MEGF8: variants seen among roughly 807,000 people sequenced by gnomAD.
MEGF8 encodes the protein multiple epidermal growth factor-like domains protein 8.
MEGF8 carries 156 observed loss-of-function variants against 302.9 expected under a neutral mutation model. The observed-to-expected ratio is 0.52, with a 90% CI of 0.45 to 0.59. The LOEUF is 0.59. Among genes scored for constraint, MEGF8 ranks in the 20% least tolerant of loss-of-function variants. MEGF8 has a pLI of 0.00. For missense variants in MEGF8, 3,345 were observed against 3,964.5 expected (o/e 0.84, Z 4.20); for synonymous variants, 1,621 against 1,660.5 (o/e 0.98, Z 0.58).
At chr19:42,331,545 G>C (rs75533776) in intron 1 of MEGF8, among the ~76,000 whole-genome samples, 15 of 152,158 alleles carry the variant, frequency 9.9e-5, no homozygotes, top group African/African-American at 3.1e-4. Context: ...CACTCTCCAC[G>C]ATATGTGGGC....
At position 42,344,147 on chromosome 19, in the gene MEGF8, A is replaced by T; in HGVS notation, c.1788+74A>T. 1 of 1,536,990 alleles carries T rather than the reference A, an allele frequency of 6.5e-7. No homozygotes were observed. Among genetic ancestry groups the T allele is most frequent in the Non-Finnish European group, 8.7e-7 (1 of 1,143,706 alleles). On this transcript the variant is annotated intron_variant, in intron 10 of 41. Coordinates refer to ENST00000251268, the MANE Select transcript of MEGF8 (RefSeq NM_001271938.2). This position sits in a 1 kb window ranked among gnomAD's most constrained non-coding sequence, Gnocchi z 4.5. ...TCAGTGTCTCCCTCTGCCTAACCAG[A>T]TGGACAAGAACTTTCCCTCAACTGG...
chr19:42,351,352 C>G lies in MEGF8; in HGVS notation c.2855+18C>G. ...TGCAGCCAGTGAGTCAGGCTGGGTG[C>G]AGGGAGTGGGTGGGTGGATGTGCCT... is the stretch of plus-strand genomic sequence containing the variant. On this transcript the variant is annotated intron_variant, in intron 16 of 41. Transcript: ENST00000251268. This position sits in a 1 kb window ranked among gnomAD's most constrained non-coding sequence, Gnocchi z 5.6. 1 of 1,567,698 alleles carries G rather than the reference C, an allele frequency of 6.4e-7. No individual in the cohort carries two copies. Among genetic ancestry groups the G allele is most frequent in the Non-Finnish European group, 8.7e-7 (1 of 1,155,964 alleles).
Position 42,369,638 on chromosome 19 carries a change from C to G in MEGF8, c.6749C>G (p.Ser2250Cys). 1.9e-6 allele frequency: 3 copies of G among 1,612,754 alleles called. No individual in the cohort carries two copies. Among genetic ancestry groups the G allele is most frequent in the Non-Finnish European group, 2.5e-6 (3 of 1,179,652 alleles). Residue 2250 changes from serine (S) to cysteine (C), a missense_variant, in exon 38 of 42, where the codon TCC becomes TGC. Physicochemically the swap from Ser to Cys is moderately radical, Grantham distance 112. Transcript: ENST00000251268. The surrounding 1 kb of genome is among the most constrained non-coding windows in gnomAD (Gnocchi z 5.7). ...CHFGFVGRNC[S>C]TECRCNRHSE... ...TTTGGCTTTGTGGGCCGCAACTGCT[C>G]CACGGAATGCCGCTGCAACCGCCAC... is the stretch of plus-strand genomic sequence containing the variant.
Position 42,356,876 on chromosome 19 carries a change from C to A in MEGF8, c.4725C>A (p.Pro1575=), listed in dbSNP as rs200468005. 2.5e-6 allele frequency: 4 copies of A among 1,598,632 alleles called. No individual in the cohort carries two copies. Among genetic ancestry groups the A allele is most frequent in the African/African-American group, 1.3e-5 (1 of 74,798 alleles). Residue 1575 remains proline, a synonymous_variant, in exon 27 of 42, where the codon CCC becomes CCA. Coordinates refer to ENST00000251268, the MANE Select transcript of MEGF8 (RefSeq NM_001271938.2). The surrounding 1 kb of genome is among the most constrained non-coding windows in gnomAD (Gnocchi z 5.2). ...CCTTCCATGCAGCCGCATATGTGCC[C>A]GCTGGCCGTGGTGCCATGTATCTGC... ...PRSFHAAAYV[P]AGRGAMYLLG... is the part of the protein sequence containing the mutation.
At chr19:42,335,446 C>A (rs371746286) in intron 5 of MEGF8, 61 bp downstream of exon 5, 3 of 1,506,628 alleles carry the variant, frequency 2.0e-6, no homozygotes, top group East Asian at 4.5e-5. Flanking sequence ...AGCCGGGGAC[C>A]CCCGGAATGA....
rs2038981901 is a variant in MEGF8 at position 42,326,266 on chromosome 19, C to T, written c.23C>T (p.Ala8Val). The T allele has an allele frequency of 1.3e-6, 2 of 1,552,904 alleles. No individual in the cohort carries two copies. Among genetic ancestry groups the T allele is most frequent in the African/African-American group, 1.4e-5 (1 of 70,162 alleles). The change falls in exon 1 of 42, where the codon GCC becomes GTC. Residue 8 changes from alanine to valine, a missense_variant. Transcript: ENST00000251268. MALGKVL[A>V]MALVLALAVL... ...GCGATGGCCCTGGGCAAGGTTCTGG[C>T]CATGGCACTGGTTTTGGCCTTGGCC...
At position 42,358,926 on chromosome 19, in the gene MEGF8, TGGAGGAAATCTCACCTCACCTGAA is replaced by T. The variant is rs1380887246; in HGVS notation, c.5321_5343+1del. ...GCTCTTGCTGGTACAGGAGGTTTCC[TGGAGGAAATCTCACCTCACCTGAA>T]GGAGGTGAGATTTGAAGAGGGTTAG... On this transcript the variant is annotated inframe_deletion, in exon 30 of 42. Transcript: ENST00000251268. This position sits in a 1 kb window ranked among gnomAD's most constrained non-coding sequence, Gnocchi z 4.4. 1 of 1,611,110 alleles carries T rather than the reference TGGAGGAAATCTCACCTCACCTGAA, an allele frequency of 6.2e-7. No individual in the cohort carries two copies. Among genetic ancestry groups the T allele is most frequent in the Non-Finnish European group, 8.5e-7 (1 of 1,178,920 alleles).
chr19:42,333,977 C>T (rs779078270), intron 2 of MEGF8, 30 bp from the exon 3 acceptor site: 67 of 1,600,878 alleles, frequency 4.2e-5, no homozygotes, highest in Admixed American at 5.2e-5. Context: ...AGGCCCTGCC[C>T]ACCTTACCCA....
rs2039258036 is a variant in MEGF8, at chr19:42,344,398, A to G, written c.1789-43A>G. ...CAGCCCTTCCTTCCCAGATCTCTTG[A>G]GCTCCAGTTGACAGTGAGCCCTTTC... On this transcript the variant is annotated intron_variant, in intron 10 of 41. Transcript: ENST00000251268. The surrounding 1 kb of genome is among the most constrained non-coding windows in gnomAD (Gnocchi z 4.5). 2.6e-6 allele frequency: 4 copies of G among 1,534,792 alleles called. No homozygotes were observed. The highest frequency in any genetic ancestry group is 3.5e-6 in the Non-Finnish European group (4 of 1,146,586).
Position 42,350,440 on chromosome 19 carries a change from TG to T in MEGF8, c.2736+59del, listed in dbSNP as rs1296349795. ...AGGTGGAGGGAGCCACAGCAGGCAA[TG>T]GGCAGTCAAGGGAACCCCTGGTGGG... On this transcript the variant is annotated intron_variant, in intron 15 of 41. Coordinates refer to ENST00000251268, the MANE Select transcript of MEGF8 (RefSeq NM_001271938.2). The T allele has an allele frequency of 3.5e-6, 5 of 1,418,772 alleles. No individual in the cohort carries two copies. The African/African-American group carries it at 7.2e-5, about 20-fold the overall frequency. The allele number at this position is 1,418,772 out of a possible 1,614,324, so 87.9% of individuals were successfully genotyped here.
In MEGF8 at chr19:42,343,841, C is replaced by T. The variant is rs115574025; in HGVS notation, c.1669-113C>T. ...GGAATGGATGGGCATGCTGAGCACT[C>T]AGGGTCCTCTGGGATAGCTAAAGCA... is the stretch of plus-strand genomic sequence containing the variant. On this transcript the variant is annotated intron_variant, in intron 9 of 41. Coordinates refer to ENST00000251268, the MANE Select transcript of MEGF8 (RefSeq NM_001271938.2). 2.1e-3 allele frequency: 3,060 copies of T among 1,447,614 alleles called. 66 individuals carry two copies. In the African/African-American group the frequency reaches 0.039, roughly 18 times the overall value. 89.7% of individuals were successfully genotyped at this position (1,447,614 alleles called of 1,614,324 possible).
At chr19:42,360,678 C>T (rs1461276858) in intron 31 of MEGF8, 97 bp from the exon 32 acceptor site, 68 of 1,522,232 alleles carry the variant, frequency 4.5e-5, no homozygotes, top group Non-Finnish European at 5.8e-5. Flanking sequence ...TGTGTTTCTC[C>T]TCTTTCCCTG....
In MEGF8 at chr19:42,376,800, C is replaced by A; in HGVS notation, c.*25C>A. 7.0e-7 allele frequency: 1 copy of A among 1,424,610 alleles called. No homozygotes were observed. Among genetic ancestry groups the A allele is most frequent in the East Asian group, 2.6e-5 (1 of 38,496 alleles). The allele number at this position is 1,424,610 out of a possible 1,614,324, so 88.2% of individuals were successfully genotyped here. ...ACATGCCCAGGGTTCTCATCCACAG[C>A]AGCTGGGTCACCTGATAGGGCCGCC... On this transcript the variant is annotated 3_prime_UTR_variant, in exon 42 of 42. Transcript: ENST00000251268. The surrounding 1 kb of genome is among the most constrained non-coding windows in gnomAD (Gnocchi z 8.2).
chr19:42,326,747 T>A (rs962063366), intron 1 of MEGF8, among the ~76,000 whole-genome samples: 5 of 151,018 alleles, frequency 3.3e-5, no homozygotes, highest in Non-Finnish European at 1.5e-5. Flanking sequence ...TACTTTTTTT[T>A]TTTTTTTTTT....
Position 42,376,676 on chromosome 19 carries a change from C to T in MEGF8, c.8439C>T (p.Tyr2813=). 1.3e-6 allele frequency: 2 copies of T among 1,524,620 alleles called. No homozygotes were observed. The highest frequency in any genetic ancestry group is 1.8e-6 in the Non-Finnish European group (2 of 1,135,760). The allele number at this position is 1,524,620 out of a possible 1,614,324, so 94.4% of individuals were successfully genotyped here. Residue 2813 remains tyrosine, a synonymous_variant, in exon 42 of 42, where the codon TAC becomes TAT. Coordinates refer to ENST00000251268, the MANE Select transcript of MEGF8 (RefSeq NM_001271938.2). The surrounding 1 kb of genome is among the most constrained non-coding windows in gnomAD (Gnocchi z 8.2). ...LVTLRHRLHE[Y]CGGGGGAGGS... ...CACTGCGGCACAGGCTGCACGAGTA[C>T]TGTGGGGGTGGTGGGGGTGCTGGGG...
Position 42,336,899 on chromosome 19 carries a change from G to A in MEGF8, c.1337G>A (p.Arg446Lys). Reference protein sequence around the residue: ...LKGRDGLQGPRERAFHTASVL... With the variant: ...LKGRDGLQGPKERAFHTASVL... ...GGGCGGGATGGGCTTCAGGGCCCAA[G>A]GGAGCGAGCCTTCCACACAGCCAGT... The change falls in exon 7 of 42, where the codon AGG becomes AAG. Residue 446 changes from arginine to lysine, a missense_variant. Coordinates refer to ENST00000251268, the MANE Select transcript of MEGF8 (RefSeq NM_001271938.2). The surrounding 1 kb of genome is among the most constrained non-coding windows in gnomAD (Gnocchi z 4.8). 1.2e-6 allele frequency: 2 copies of A among 1,613,726 alleles called. No individual in the cohort carries two copies. The highest frequency in any genetic ancestry group is 1.7e-6 in the Non-Finnish European group (2 of 1,179,780).
In MEGF8 at chr19:42,358,283, G is replaced by C. The variant is rs1201645289; in HGVS notation, c.5151G>C (p.Leu1717=). Reference sequence around the variant, plus strand: ...ACTGTCCTGACCGCACCTGGAGTCTGCTGGCCCCTTCTCAGGGGGCAAAGG... The same window carrying C: ...ACTGTCCTGACCGCACCTGGAGTCTCCTGGCCCCTTCTCAGGGGGCAAAGG... ...SLHCPDRTWS[L]LAPSQGAKRD... Residue 1717 remains leucine, a synonymous_variant, in exon 29 of 42, where the codon CTG becomes CTC. Coordinates refer to ENST00000251268, the MANE Select transcript of MEGF8 (RefSeq NM_001271938.2). This position sits in a 1 kb window ranked among gnomAD's most constrained non-coding sequence, Gnocchi z 4.4. The C allele has an allele frequency of 2.5e-6, 4 of 1,605,008 alleles. No homozygotes were observed. The highest frequency in any genetic ancestry group is 3.4e-6 in the Non-Finnish European group (4 of 1,176,048).
rs1349573083 is a variant in MEGF8, at chr19:42,376,634, G to A, written c.8397G>A (p.Leu2799=). 1 of 1,543,380 alleles carries A rather than the reference G, an allele frequency of 6.5e-7. No homozygotes were observed. Among genetic ancestry groups the A allele is most frequent in the African/African-American group, 1.4e-5 (1 of 73,310 alleles). ...CCCATGCACCCAACGGCGCCTGCCTGGGGTCAGCCCTCGTCACACTGCGGC... is the reference window on the plus strand; with the variant it reads ...CCCATGCACCCAACGGCGCCTGCCTAGGGTCAGCCCTCGTCACACTGCGGC... The part of the protein sequence containing the change: ...GGPHAPNGAC[L]GSALVTLRHR... The change falls in exon 42 of 42, where the codon CTG becomes CTA. Residue 2799 remains leucine, a synonymous_variant. Coordinates refer to ENST00000251268, the MANE Select transcript of MEGF8 (RefSeq NM_001271938.2). This position sits in a 1 kb window ranked among gnomAD's most constrained non-coding sequence, Gnocchi z 8.2.
At chr19:42,364,510 C>G (rs1158896644) in intron 35 of MEGF8, among the ~76,000 whole-genome samples, 1 of 152,162 alleles carries the variant, frequency 6.6e-6, no homozygotes, top group Non-Finnish European at 1.5e-5. Context: ...ATGTGGGACA[C>G]TTGCCATTTT....
Sources: allele counts gnomAD v4.1 joint callset (sites outside exome capture counted in the v4.1 genomes callset), GRCh38; gene constraint gnomAD v4.1.1; non-coding constraint Gnocchi (gnomAD v3.1); transcripts MANE v1.5; gene names NCBI Gene and HGNC (gene_info 2026-07-23, HGNC 2026-07-21).